SLC6A7: variants seen among roughly 807,000 people sequenced by gnomAD.
SLC6A7 encodes the protein sodium-dependent proline transporter.
In SLC6A7, 58 loss-of-function variants were observed where a neutral mutation model predicts 73.1. That is an observed-to-expected ratio of 0.79 (90% CI 0.64 to 0.99). The LOEUF is 0.99. SLC6A7 is among the 50% of genes least tolerant of loss of function. The pLI is 0.00. For missense variants in SLC6A7, 783 were observed against 831.4 expected (o/e 0.94, Z 0.72); for synonymous variants, 338 against 338.7 (o/e 1.00, Z 0.02).
intron 1 of SLC6A7, among the ~76,000 whole-genome samples, chr5:150,192,585 G>T (rs1752835602): frequency 1.3e-5 from 2 of 152,192 alleles, no homozygotes; most frequent in African/African-American, 4.8e-5. Flanking sequence ...CCCATGGTGG[G>T]GTTGGGAACT....
intron 1 of SLC6A7, among the ~76,000 whole-genome samples, chr5:150,194,038 T>C (rs1353187211): frequency 6.6e-6 from 1 of 152,220 alleles, no homozygotes; most frequent in Non-Finnish European, 1.5e-5. Flanking sequence ...GTGAGTGAGA[T>C]GTCTAGTGCA....
At position 150,205,618 on chromosome 5, in the gene SLC6A7, T is replaced by C. The variant is rs765357551; in HGVS notation, c.1696T>C (p.Trp566Arg). ...VAVLREEGSL[W>R]ERLQQASRPA... ...TGTGCTTCGAGAAGAGGGCTCACTC[T>C]GGGAGGTGAGTCTGCCCACCCTGTC... Residue 566 changes from tryptophan to arginine, a missense_variant, in exon 13 of 14, where the codon TGG becomes CGG. Trp to Arg is a moderately radical substitution (Grantham distance 101). Transcript: ENST00000230671. The C allele has an allele frequency of 1.9e-6, 3 of 1,607,282 alleles. No homozygotes were observed. The highest frequency in any genetic ancestry group is 2.5e-6 in the Non-Finnish European group (3 of 1,176,856).
rs1332564053 is a variant in SLC6A7 at position 150,204,835 on chromosome 5, A to T, written c.1441A>T (p.Arg481Trp). ...TCCCCTCCCCTGTGCAGGCATTCAG[A>T]GGTTCTGCCGAGACATCCACATGAT... ...LAVTRVYGIQ[R>W]FCRDIHMMLG... Residue 481 changes from arginine to tryptophan, a missense_variant, in exon 12 of 14, where the codon AGG becomes TGG. By Grantham distance (101) the Arg-to-Trp change is moderately radical (BLOSUM62 -3). Transcript: ENST00000230671. 6.3e-7 allele frequency: 1 copy of T among 1,598,972 alleles called. No homozygotes were observed. The highest frequency in any genetic ancestry group is 8.5e-7 in the Non-Finnish European group (1 of 1,170,254).
intron 8 of SLC6A7, 23 bp downstream of exon 8, chr5:150,202,726 G>A: frequency 1.2e-6 from 2 of 1,613,034 alleles, no homozygotes; most frequent in African/African-American, 2.7e-5. Flanking sequence ...CCAGGCCTCA[G>A]TGGGGTGAGC....
chr5:150,196,575 G>A lies in SLC6A7; in HGVS notation c.218-141G>A, dbSNP rs191029675. ...CTGCTGGCCACTCTGGCCCTCAGCA[G>A]TCTGGTATAGAAGAAAAGAAACCTA... On this transcript the variant is annotated intron_variant, in intron 2 of 13. Transcript: ENST00000230671. 2.4e-3 allele frequency: 1,998 copies of A among 817,972 alleles called. 37 individuals carry two copies. In the South Asian group the frequency reaches 0.027, roughly 11 times the overall value. 50.7% of individuals were successfully genotyped at this position (817,972 alleles called of 1,614,324 possible). A position where few individuals can be genotyped will look rare whatever the true frequency, so the allele number is the denominator to read the frequency against.
At chr5:150,200,007 C>G (rs1275602824) in intron 5 of SLC6A7, among the ~76,000 whole-genome samples, 1 of 152,166 alleles carries the variant, frequency 6.6e-6, no homozygotes, top group Non-Finnish European at 1.5e-5. Context: ...ATCCCTGTGG[C>G]CCGGAGGATG....
At position 150,203,746 on chromosome 5, in the gene SLC6A7, C is replaced by T; in HGVS notation, c.1167C>T (p.Phe389=). Residue 389 remains phenylalanine, a synonymous_variant, in exon 9 of 14, where the codon TTC becomes TTT. Transcript: ENST00000230671. The stretch of plus-strand genomic sequence containing the variant: ...CACCCTTCTGGTCCTTTCTCTTCTT[C>T]TTCATGCTTCTGACTCTCGGCCTAG... ...PLSPFWSFLF[F]FMLLTLGLDS... is the part of the protein sequence containing the mutation. The T allele has an allele frequency of 6.2e-7, 1 of 1,609,356 alleles. No homozygotes were observed. The highest frequency in any genetic ancestry group is 1.1e-5 in the South Asian group (1 of 90,952).
Position 150,196,842 on chromosome 5 carries a change from T to C in SLC6A7, c.344T>C (p.Phe115Ser), listed in dbSNP as rs764291834. 19 of 1,613,788 alleles carry C rather than the reference T, an allele frequency of 1.2e-5. No homozygotes were observed. The East Asian group carries it at 1.3e-4, about 11-fold the overall frequency. The change falls in exon 3 of 14, where the codon TTC becomes TCC. Residue 115 changes from phenylalanine (F) to serine (S), a missense_variant. Transcript: ENST00000230671. ...GCTGTCTGGAAAATCAGCCCTCTCT[T>C]CAAAGGTGAGGCCTCAGTGGTCCCC... ...PLAVWKISPL[F>S]KGAGAAMLLI...
intron 1 of SLC6A7, among the ~76,000 whole-genome samples, chr5:150,192,004 C>A (rs1181021458): frequency 6.6e-6 from 1 of 151,864 alleles, no homozygotes; most frequent in Admixed American, 6.6e-5. Flanking sequence ...TGCTTACCTG[C>A]TGGCAGGCTA....
chr5:150,191,071 CT>C (rs754355244), intron 1 of SLC6A7, among the ~76,000 whole-genome samples: 2 of 152,146 alleles, frequency 1.3e-5, no homozygotes, highest in Non-Finnish European at 2.9e-5. Context: ...AGGGGGAATA[CT>C]GGGGGACGTT....
At chr5:150,191,029 G>T (rs369738875) in intron 1 of SLC6A7, among the ~76,000 whole-genome samples, 4 of 152,266 alleles carry the variant, frequency 2.6e-5, no homozygotes, top group African/African-American at 9.6e-5. Context: ...TTGTGGGATT[G>T]GACCTCTCAG....
chr5:150,193,993 C>T (rs1032395106), intron 1 of SLC6A7, among the ~76,000 whole-genome samples: 1 of 152,166 alleles, frequency 6.6e-6, no homozygotes, highest in African/African-American at 2.4e-5. Flanking sequence ...GAATACTGAG[C>T]TCAAAAAGTT....
chr5:150,204,080 G>A (rs751623839), intron 10 of SLC6A7, 42 bp downstream of exon 10: 86 of 1,583,324 alleles, frequency 5.4e-5, no homozygotes, highest in Non-Finnish European at 7.3e-5. Context: ...GGCGGGACAA[G>A]GGCAGACGCC....
In SLC6A7 at chr5:150,194,721, T is replaced by C. The variant is rs749634463; in HGVS notation, c.34-7T>C. 2.4e-5 allele frequency: 39 copies of C among 1,612,746 alleles called. No homozygotes were observed. Among genetic ancestry groups the C allele is most frequent in the Non-Finnish European group, 3.2e-5 (38 of 1,179,240 alleles). ...TCCCCAACCTCTTTGGTCTCTCTCA[T>C]TGGCAGCCTGTCACCCCAGACCTGC... is the stretch of plus-strand genomic sequence containing the variant. On this transcript the variant is annotated splice_polypyrimidine_tract_variant and splice_region_variant and intron_variant, in intron 1 of 13. Coordinates refer to ENST00000230671, the MANE Select transcript of SLC6A7 (RefSeq NM_014228.5).
intron 1 of SLC6A7, among the ~76,000 whole-genome samples, chr5:150,192,133 G>C (rs1193273169): frequency 6.6e-6 from 1 of 151,966 alleles, no homozygotes; most frequent in African/African-American, 2.4e-5. Context: ...TTTCCGCAAA[G>C]GAGCAGCATT....
intron 1 of SLC6A7, among the ~76,000 whole-genome samples, chr5:150,193,649 A>G (rs1172955613): frequency 6.6e-6 from 1 of 152,016 alleles, no homozygotes; most frequent in African/African-American, 2.4e-5. Context: ...CCTCAGGGGA[A>G]CCCCCAGGTC....
chr5:150,191,328 C>A (rs1001065708), intron 1 of SLC6A7, among the ~76,000 whole-genome samples: 4 of 152,070 alleles, frequency 2.6e-5, no homozygotes, highest in African/African-American at 9.7e-5. Flanking sequence ...CCTACATACA[C>A]ACACATTCAC....
In SLC6A7 at chr5:150,204,210, C is replaced by T. The variant is rs73279858; in HGVS notation, c.1332+172C>T. Among the ~76,000 whole-genome samples, 1,170 of 152,304 alleles carry T rather than the reference C, an allele frequency of 7.7e-3. 17 individuals are homozygous for T. The highest frequency in any genetic ancestry group is 0.027 in the African/African-American group (1,126 of 41,556). On this transcript the variant is annotated intron_variant, in intron 10 of 13. Coordinates refer to ENST00000230671, the MANE Select transcript of SLC6A7 (RefSeq NM_014228.5). ...AGGGAGGCAGTTTGGCCTTGTGATC[C>T]AGAGTCCTGGCTGTGGAGATTTAGT... is the stretch of plus-strand genomic sequence containing the variant.
chr5:150,198,091 GAA>G (rs761151730), intron 4 of SLC6A7, among the ~76,000 whole-genome samples: 7 of 105,286 alleles, frequency 6.6e-5, no homozygotes, highest in South Asian at 6.0e-4. Context: ...AAGAAAGAAA[GAA>G]AGAAAGAAAG....
Sources: gnomAD v4.1 joint callset for allele counts (sites outside exome capture counted in the v4.1 genomes callset) on GRCh38, gnomAD v4.1.1 for gene constraint, MANE v1.5 for transcripts, NCBI Gene and HGNC (gene_info 2026-07-23, HGNC 2026-07-21) for gene names.